Variants in GPC5 observed in about 807,000 individuals in gnomAD.
GPC5 encodes glypican-5.
Under a neutral mutation model 53.9 loss-of-function variants are expected in GPC5, and 47 were observed. The ratio of observed to expected loss-of-function variants is 0.87; its 90% CI spans 0.69 to 1.11. GPC5 has a LOEUF of 1.11. Among genes scored for constraint, GPC5 ranks in the 50% most tolerant of loss-of-function variants. The pLI, the probability that GPC5 is intolerant of heterozygous loss-of-function variation, is 0.00. For missense variants in GPC5, 748 were observed against 713.1 expected (o/e 1.05, Z -0.56); for synonymous variants, 286 against 263.3 (o/e 1.09, Z -0.84).
rs147361147 is a variant in GPC5, at chr13:92,482,437, A to G, written c.1561+337448A>G. On this transcript the variant is annotated intron_variant, in intron 7 of 7. Transcript: ENST00000377067. The stretch of plus-strand genomic sequence containing the variant: ...TTAACTTGTCCATTCTCTGCTTTTT[A>G]TACTACCTAACCACTTCTTGTTGAA... Among the ~76,000 whole-genome samples the G allele has an allele frequency of 4.0e-3, 608 of 152,262 alleles. 7 individuals carry two copies. The highest frequency in any genetic ancestry group is 0.014 in the African/African-American group (590 of 41,550).
intron 7 of GPC5, among the ~76,000 whole-genome samples, chr13:92,334,707 C>G (rs2043310638): frequency 6.6e-6 from 1 of 152,120 alleles, no homozygotes; most frequent in Non-Finnish European, 1.5e-5. Context: ...GGTAAATATA[C>G]CCATTCTAAA....
At chr13:91,660,762 T>A (rs1198498629) in intron 2 of GPC5, among the ~76,000 whole-genome samples, 1 of 152,198 alleles carries the variant, frequency 6.6e-6, no homozygotes, top group East Asian at 1.9e-4. Flanking sequence ...GGACCATTTC[T>A]ATCTCAGAAA....
intron 6 of GPC5, among the ~76,000 whole-genome samples, chr13:91,928,880 G>C (rs1383899209): frequency 3.9e-5 from 6 of 152,146 alleles, no homozygotes; most frequent in African/African-American, 1.2e-4. Flanking sequence ...TGAAGGTGAA[G>C]AGAAAGGGAC....
intron 6 of GPC5, among the ~76,000 whole-genome samples, chr13:92,100,654 C>T (rs189994103): frequency 8.6e-4 from 131 of 152,228 alleles, no homozygotes; most frequent in Non-Finnish European, 1.5e-3. Flanking sequence ...TCACACATTG[C>T]TACTTGAATT....
intron 7 of GPC5, among the ~76,000 whole-genome samples, chr13:92,486,943 C>T (rs1879577344): frequency 6.6e-6 from 1 of 151,764 alleles, no homozygotes; most frequent in Non-Finnish European, 1.5e-5. Flanking sequence ...GTAAATTCTG[C>T]CTTCTGGATT....
chr13:91,608,911 T>C (rs1269834624), intron 2 of GPC5, among the ~76,000 whole-genome samples: 1 of 150,076 alleles, frequency 6.7e-6, no homozygotes, highest in African/African-American at 2.5e-5. Flanking sequence ...TAAATTTGTT[T>C]ATTTAGAATT....
At chr13:91,960,175 A>G (rs923406535) in intron 6 of GPC5, among the ~76,000 whole-genome samples, 2 of 152,042 alleles carry the variant, frequency 1.3e-5, no homozygotes, top group South Asian at 2.1e-4. Flanking sequence ...CTAAAAAAAA[A>G]AAACTAAAAA....
At chr13:91,553,353 G>A (rs2030759129) in intron 2 of GPC5, among the ~76,000 whole-genome samples, 3 of 135,970 alleles carry the variant, frequency 2.2e-5, no homozygotes, top group Non-Finnish European at 3.2e-5. Flanking sequence ...TAACTAACAT[G>A]TAAACTCCTT....
intron 7 of GPC5, among the ~76,000 whole-genome samples, chr13:92,717,118 T>C (rs946683855): frequency 6.6e-6 from 1 of 151,930 alleles, no homozygotes; most frequent in Non-Finnish European, 1.5e-5. Flanking sequence ...CTTCTCGGTG[T>C]GGGTAGGATT....
At chr13:91,709,069 C>T (rs2036171484) in intron 3 of GPC5, among the ~76,000 whole-genome samples, 1 of 152,130 alleles carries the variant, frequency 6.6e-6, no homozygotes, top group Admixed American at 6.5e-5. Context: ...TAATCTCAAA[C>T]ATTCATTCGA....
At chr13:91,934,813 A>G in intron 6 of GPC5, among the ~76,000 whole-genome samples, 1 of 151,940 alleles carries the variant, frequency 6.6e-6, no homozygotes, top group East Asian at 1.9e-4. Flanking sequence ...TTCAAGGGTC[A>G]CCCTTCACTT....
At chr13:92,695,246 T>A (rs1887524172) in intron 7 of GPC5, among the ~76,000 whole-genome samples, 1 of 152,212 alleles carries the variant, frequency 6.6e-6, no homozygotes, top group South Asian at 2.1e-4. Context: ...TTTGTTCATA[T>A]TTTTTGCTCA....
intron 6 of GPC5, among the ~76,000 whole-genome samples, chr13:92,090,003 G>A (rs2041366834): frequency 6.6e-6 from 1 of 152,138 alleles, no homozygotes; most frequent in Non-Finnish European, 1.5e-5. Flanking sequence ...TTCGTATCAT[G>A]TCCCAGGCAC....
intron 7 of GPC5, among the ~76,000 whole-genome samples, chr13:92,525,437 AGTGTGTGTGTGTGTGT>A (rs34946580): frequency 5.0e-4 from 69 of 136,654 alleles, no homozygotes; most frequent in Middle Eastern, 3.8e-3. Flanking sequence ...GATAGATTCA[AGTGTGTGTGTGTGTGT>A]GTGTGTGTGT....
chr13:91,841,396 G>A (rs989502600), intron 5 of GPC5, among the ~76,000 whole-genome samples: 1 of 150,382 alleles, frequency 6.6e-6, no homozygotes, highest in Non-Finnish European at 1.5e-5. Context: ...GGCCAGCAAA[G>A]AGGTCTTTTG....
At chr13:92,698,608 C>T (rs1016351773) in intron 7 of GPC5, among the ~76,000 whole-genome samples, 62 of 152,072 alleles carry the variant, frequency 4.1e-4, no homozygotes, top group Admixed American at 1.5e-3. Flanking sequence ...CTATTGTGAA[C>T]AGTGCCGCAA....
At chr13:91,710,658 C>T (rs1025000082) in intron 3 of GPC5, among the ~76,000 whole-genome samples, 1 of 152,174 alleles carries the variant, frequency 6.6e-6, no homozygotes, top group African/African-American at 2.4e-5. Flanking sequence ...CATGTACTGT[C>T]TGGGTTCTAA....
intron 1 of GPC5, among the ~76,000 whole-genome samples, 154 bp from the exon 2 acceptor site, chr13:91,448,607 G>A (rs889176034): frequency 2.6e-5 from 4 of 152,144 alleles, no homozygotes; most frequent in Admixed American, 6.5e-5. Context: ...TTGTGTTAAT[G>A]AGCAATAGAT....
chr13:92,355,847 G>C (rs899640712), intron 7 of GPC5, among the ~76,000 whole-genome samples: 1 of 147,714 alleles, frequency 6.8e-6, no homozygotes, highest in African/African-American at 2.5e-5. Flanking sequence ...ACTATTATTT[G>C]ATTCCTCTAG....
Sources: allele counts gnomAD v4.1 joint callset (sites outside exome capture counted in the v4.1 genomes callset), GRCh38; gene constraint gnomAD v4.1.1; transcripts MANE v1.5; gene names NCBI Gene and HGNC (gene_info 2026-07-23, HGNC 2026-07-21).